Variants in ARL15 observed in about 807,000 individuals in gnomAD.
ARL15 encodes ARF like GTPase 15.
Under a neutral mutation model 25.2 loss-of-function variants are expected in ARL15, and 19 were observed. That is an observed-to-expected ratio of 0.75 (90% CI 0.53 to 1.10). ARL15 has a LOEUF of 1.10. Among genes scored for constraint, ARL15 ranks in the 50% least tolerant of loss-of-function variants. The pLI, the probability that ARL15 is intolerant of heterozygous loss-of-function variation, is 0.00. For synonymous variants in ARL15, 94 were observed against 86.8 expected (o/e 1.08, Z -0.46); for missense variants, 220 against 246.0 (o/e 0.89, Z 0.71).
intron 1 of ARL15, among the ~76,000 whole-genome samples, chr5:54,299,928 A>G (rs1758573172): frequency 6.6e-6 from 1 of 152,062 alleles, no homozygotes; most frequent in Non-Finnish European, 1.5e-5. Context: ...CTCACCTCTG[A>G]GTTTCCATTT....
At chr5:53,964,812 T>C (rs1033108684) in intron 4 of ARL15, among the ~76,000 whole-genome samples, 1 of 152,236 alleles carries the variant, frequency 6.6e-6, no homozygotes, top group Non-Finnish European at 1.5e-5. Context: ...ATTCCAGAGC[T>C]AACACTCTAG....
At chr5:54,279,029 T>C (rs996860976) in intron 1 of ARL15, among the ~76,000 whole-genome samples, 1 of 152,198 alleles carries the variant, frequency 6.6e-6, no homozygotes, top group South Asian at 2.1e-4. Flanking sequence ...CTTCTAAGTA[T>C]TTTAACTCAC....
chr5:54,257,033 G>A (rs1489614780), intron 1 of ARL15, among the ~76,000 whole-genome samples: 1 of 152,162 alleles, frequency 6.6e-6, no homozygotes, highest in East Asian at 1.9e-4. Flanking sequence ...ACTGGAACAA[G>A]ACAAGGATGC....
intron 4 of ARL15, among the ~76,000 whole-genome samples, chr5:54,011,531 T>C (rs1303149851): frequency 2.0e-5 from 3 of 152,172 alleles, no homozygotes; most frequent in Middle Eastern, 3.2e-3. Context: ...AGTGATTATA[T>C]AGGTGGTTAG....
chr5:54,276,233 T>TA (rs1484141051), intron 1 of ARL15, among the ~76,000 whole-genome samples: 1 of 152,220 alleles, frequency 6.6e-6, no homozygotes. Flanking sequence ...TGCATTCCTT[T>TA]ATAATGACTG....
chr5:54,234,052 A>G (rs1756739313), intron 1 of ARL15, among the ~76,000 whole-genome samples: 2 of 152,106 alleles, frequency 1.3e-5, no homozygotes, highest in African/African-American at 4.8e-5. Flanking sequence ...GGCTGGTACA[A>G]CGGCAAGATC....
At chr5:54,120,944 T>C (rs1335802301) in intron 3 of ARL15, among the ~76,000 whole-genome samples, 1 of 152,210 alleles carries the variant, frequency 6.6e-6, no homozygotes, top group Non-Finnish European at 1.5e-5. Context: ...ATTTTTTCTT[T>C]TTTATCAGAA....
intron 1 of ARL15, among the ~76,000 whole-genome samples, chr5:54,193,058 G>A (rs1024183272): frequency 1.3e-5 from 2 of 152,172 alleles, no homozygotes; most frequent in East Asian, 3.9e-4. Flanking sequence ...CTGCTTCAAC[G>A]TCCTGCTCTG....
chr5:54,023,531 G>A (rs1749682049), intron 4 of ARL15, among the ~76,000 whole-genome samples: 1 of 71,920 alleles, frequency 1.4e-5, no homozygotes, highest in African/African-American at 4.0e-5. Context: ...ATCTACACAT[G>A]TGAAAAAAAA....
At chr5:54,035,398 C>T (rs969262295) in intron 4 of ARL15, among the ~76,000 whole-genome samples, 1 of 152,076 alleles carries the variant, frequency 6.6e-6, no homozygotes, top group African/African-American at 2.4e-5. Flanking sequence ...TTAAAAAAAA[C>T]TTTGATTATT....
intron 4 of ARL15, among the ~76,000 whole-genome samples, chr5:54,006,051 CAAAAAAAAA>C (rs56094450): frequency 6.9e-5 from 4 of 57,568 alleles, no homozygotes; most frequent in African/African-American, 1.4e-4. Flanking sequence ...ATTACATCTC[CAAAAAAAAA>C]AAAAAAAAAA....
intron 4 of ARL15, among the ~76,000 whole-genome samples, chr5:53,984,516 C>G (rs2111617201): frequency 6.6e-6 from 1 of 152,222 alleles, no homozygotes; most frequent in East Asian, 1.9e-4. Flanking sequence ...TTTTGAGGCC[C>G]CAACGCCTAT....
chr5:54,281,285 G>T (rs536730820), intron 1 of ARL15, among the ~76,000 whole-genome samples: 3 of 151,942 alleles, frequency 2.0e-5, no homozygotes, highest in Non-Finnish European at 2.9e-5. Flanking sequence ...GATTACAGGC[G>T]CCCGCCACCA....
At chr5:54,272,260 T>G (rs1163173170) in intron 1 of ARL15, among the ~76,000 whole-genome samples, 3 of 151,908 alleles carry the variant, frequency 2.0e-5, no homozygotes, top group Non-Finnish European at 2.9e-5. Flanking sequence ...ACCTTACAGT[T>G]TGAAACATAA....
intron 4 of ARL15, among the ~76,000 whole-genome samples, chr5:54,031,167 A>C (rs1451137895): frequency 1.3e-5 from 2 of 152,182 alleles, no homozygotes; most frequent in African/African-American, 4.8e-5. Context: ...AAATGAGAAA[A>C]AAGTTTGTGC....
intron 3 of ARL15, among the ~76,000 whole-genome samples, chr5:54,129,054 T>C (rs1427202222): frequency 6.6e-6 from 1 of 152,176 alleles, no homozygotes; most frequent in Non-Finnish European, 1.5e-5. Context: ...TTCTTTTCAG[T>C]GAGTTATAAG....
chr5:54,264,858 T>A (rs1057366537), intron 1 of ARL15, among the ~76,000 whole-genome samples: 3 of 152,204 alleles, frequency 2.0e-5, no homozygotes, highest in Non-Finnish European at 2.9e-5. Context: ...CATGTGCTAT[T>A]TTTTCCCCAA....
At chr5:53,900,721 G>A (rs1029044777) in intron 4 of ARL15, among the ~76,000 whole-genome samples, 2 of 152,032 alleles carry the variant, frequency 1.3e-5, no homozygotes, top group Non-Finnish European at 2.9e-5. Context: ...ATTGAATATT[G>A]GAGAGAAGTT....
intron 4 of ARL15, among the ~76,000 whole-genome samples, chr5:54,066,109 A>G (rs73112674): frequency 0.1 from 15,285 of 152,158 alleles, 1,119 homozygotes; most frequent in African/African-American, 0.2. Context: ...ATGTTCTCAG[A>G]GTATATATTG....
Sources: gnomAD v4.1 joint callset for allele counts (sites outside exome capture counted in the v4.1 genomes callset) on GRCh38, gnomAD v4.1.1 for gene constraint, MANE v1.5 for transcripts, NCBI Gene and HGNC (gene_info 2026-07-23, HGNC 2026-07-21) for gene names.